Variants in HLA-F observed in about 807,000 individuals in gnomAD.
The protein encoded by HLA-F is major histocompatibility complex, class I, F.
A neutral mutation model predicts 49.5 loss-of-function variants in HLA-F; 46 were observed. The ratio of observed to expected loss-of-function variants is 0.93; its 90% confidence interval spans 0.73 to 1.19. HLA-F has a LOEUF of 1.19. Among genes scored for constraint, HLA-F ranks in the 50% most tolerant of loss-of-function variants. HLA-F has a pLI of 0.00. For synonymous variants in HLA-F, 203 were observed against 233.5 expected, an observed-to-expected ratio of 0.87 and a Z score of 1.19; for missense variants, 496 against 579.6, an observed-to-expected ratio of 0.86 and a Z score of 1.48.
At chr6:29,731,217 T>C (rs1776549517), downstream of HLA-F, among the ~76,000 whole-genome samples, 1 of 133,618 alleles carries the variant, frequency 7.5e-6, no homozygotes, top group Middle Eastern at 3.8e-3. Flanking sequence ...AAAGACCCAA[T>C]AGAGTAGATG....
In HLA-F at chr6:29,724,385, G is replaced by A. The variant is rs1189694469; in HGVS notation, c.547G>A (p.Gly183Ser). The stretch of plus-strand genomic sequence containing the variant: ...AGAGGAGTTCAGGACCTACCTGGAG[G>A]GCGAGTGCCTGGAGTTGCTCCGCAG... ...YAEEFRTYLE[G>S]ECLELLRRYL... is the part of the protein sequence containing the mutation. Residue 183 changes from glycine (G) to serine (S), a missense_variant, in exon 3 of 7, where the codon GGC becomes AGC. Transcript: ENST00000259951. The A allele has an allele frequency of 1.2e-6, 2 of 1,613,240 alleles. No homozygotes were observed. Among genetic ancestry groups the A allele is most frequent in the African/African-American group, 1.3e-5 (1 of 75,056 alleles).
chr6:29,730,482 A>G (rs1201073872), downstream of HLA-F, among the ~76,000 whole-genome samples: 1 of 152,214 alleles, frequency 6.6e-6, no homozygotes, highest in South Asian at 2.1e-4. Flanking sequence ...TGGTTACACA[A>G]CATTGTAAAT....
Position 29,724,235 on chromosome 6 carries a change from G to C in HLA-F, c.397G>C (p.Gly133Arg). Residue 133 changes from glycine (G) to arginine (R), a missense_variant, in exon 3 of 7, where the codon GGG becomes CGG. Physicochemically the swap from Gly to Arg is moderately radical, Grantham distance 125. Coordinates refer to ENST00000259951, the MANE Select transcript of HLA-F (RefSeq NM_001098479.2). Reference sequence around the variant, plus strand: ...GGGGCCCGACGGACGCCTCCTCCGCGGGTATCACCAGCACGCGTACGACGG... The same window carrying C: ...GGGGCCCGACGGACGCCTCCTCCGCCGGTATCACCAGCACGCGTACGACGG... ...DMGPDGRLLR[G>R]YHQHAYDGKD... 4 of 1,613,218 alleles carry C rather than the reference G, an allele frequency of 2.5e-6. No individual in the cohort carries two copies. Among genetic ancestry groups the C allele is most frequent in the African/African-American group, 1.3e-5 (1 of 75,054 alleles).
intron 3 of HLA-F, among the ~76,000 whole-genome samples, chr6:29,737,172 C>A (rs190406637): frequency 1.2e-3 from 145 of 125,722 alleles, no homozygotes; most frequent in Admixed American, 2.9e-3. Context: ...GTATTGAATT[C>A]TTCCTCTTGA....
intron 3 of HLA-F, chr6:29,735,885 A>G (rs1456162669): frequency 6.6e-6 from 1 of 151,892 alleles, no homozygotes; most frequent in Non-Finnish European, 1.5e-5. Flanking sequence ...GAGAATTTCA[A>G]TTGTCTTATC....
In HLA-F at chr6:29,727,030, T is replaced by C. The variant is rs1357059628; in HGVS notation, c.1184T>C (p.Phe395Ser). ...GTGGGTGACATGTGGATCTTGTTTT[T>C]TTTGTGGCTGTGGACATCTTTCAAC... ...RKVGDMWILFFLWLWTSFNTA... is the reference protein window; with the variant it reads ...RKVGDMWILFSLWLWTSFNTA... Residue 395 changes from phenylalanine (F) to serine (S), a missense_variant, in exon 7 of 7, where the codon TTT becomes TCT. Physicochemically the swap from Phe to Ser is radical, Grantham distance 155. Transcript: ENST00000259951. The C allele has an allele frequency of 6.2e-7, 1 of 1,613,400 alleles. No homozygotes were observed. The highest frequency in any genetic ancestry group is 8.5e-7 in the Non-Finnish European group (1 of 1,180,052).
downstream of HLA-F, chr6:29,728,005 G>T: frequency 1.9e-6 from 1 of 518,998 alleles, no homozygotes; most frequent in Non-Finnish European, 3.8e-6. Context: ...TCTCATCCAG[G>T]AGCAATTTTC....
intron 3 of HLA-F, 107 bp from the exon 4 acceptor site, chr6:29,724,915 TTCTGTGCTC>T: frequency 1.7e-6 from 2 of 1,189,182 alleles, no homozygotes; most frequent in Non-Finnish European, 2.4e-6. Flanking sequence ...GGTGTCTGGG[TTCTGTGCTC>T]CCTTCCCCAC....
At chr6:29,733,243 C>T (rs1309550765) in intron 3 of HLA-F, among the ~76,000 whole-genome samples, 2 of 152,086 alleles carry the variant, frequency 1.3e-5, no homozygotes, top group Non-Finnish European at 2.9e-5. Context: ...GAAATCAGCA[C>T]CACGCAAAGG....
chr6:29,727,255 A>C lies in HLA-F; in HGVS notation c.*80A>C. 2.4e-6 allele frequency: 2 copies of C among 841,384 alleles called. No individual in the cohort carries two copies. Among genetic ancestry groups the C allele is most frequent in the South Asian group, 3.7e-5 (2 of 53,706 alleles). 52.1% of individuals were successfully genotyped at this position (841,384 alleles called of 1,614,324 possible). A position where few individuals can be genotyped will look rare whatever the true frequency, so the allele number is the denominator to read the frequency against. The stretch of plus-strand genomic sequence containing the variant: ...CACACACCTCCTAAGAATAAGAACC[A>C]ACATTATCACACCAAAGAAAATAAA... On this transcript the variant is annotated 3_prime_UTR_variant, in exon 7 of 7. Transcript: ENST00000259951.
chr6:29,725,949 G>T (rs114325231), intron 5 of HLA-F, 62 bp from the exon 6 acceptor site: 97,154 of 1,574,070 alleles, frequency 0.062, 3,816 homozygotes, highest in South Asian at 0.13. Context: ...CTAGGGGTTT[G>T]CTCTAGGACC....
chr6:29,726,725 G>T (rs929564159), intron 6 of HLA-F, 158 bp from the exon 7 acceptor site: 13 of 1,228,344 alleles, frequency 1.1e-5, no homozygotes, highest in South Asian at 6.0e-5. Flanking sequence ...GGAGCCAGTC[G>T]AACATATGCC....
Position 29,725,152 on chromosome 6 carries a change from A to G in HLA-F, c.732A>G (p.Glu244=). ...ITLTWQRDGE[E]QTQDTELVET... ...TGACCTGGCAGCGGGATGGGGAGGAACAGACCCAGGACACAGAGCTTGTGG... is the reference window on the plus strand; with the variant it reads ...TGACCTGGCAGCGGGATGGGGAGGAGCAGACCCAGGACACAGAGCTTGTGG... Residue 244 remains glutamate (E), a synonymous_variant, in exon 4 of 7, where the codon GAA becomes GAG. Transcript: ENST00000259951. 3 of 1,613,868 alleles carry G rather than the reference A, an allele frequency of 1.9e-6. No individual in the cohort carries two copies. Among genetic ancestry groups the G allele is most frequent in the East Asian group, 2.2e-5 (1 of 44,860 alleles).
intron 6 of HLA-F, 25 bp downstream of exon 6, chr6:29,726,068 G>A (rs1562293367): frequency 5.0e-6 from 8 of 1,609,038 alleles, no homozygotes; most frequent in Non-Finnish European, 6.0e-6. Flanking sequence ...GCTGATCCCT[G>A]AGATTGTTGG....
chr6:29,723,681 AGCACCGCTGTGTCGCGGCCCGGCC>A lies in HLA-F; in HGVS notation c.91_114del (p.Thr31_Arg38del). 6.2e-7 allele frequency: 1 copy of A among 1,610,676 alleles called. No individual in the cohort carries two copies. Among genetic ancestry groups the A allele is most frequent in the Non-Finnish European group, 8.5e-7 (1 of 1,179,138 alleles). On this transcript the variant is annotated inframe_deletion, in exon 2 of 7. Transcript: ENST00000259951. ...AGGCTCCCACTCCTTGAGGTATTTCAGCACCGCTGTGTCGCGGCCCGGCCGCGGGGAGCCCCGCTACATCGCCGT... is the reference window on the plus strand; with the variant it reads ...AGGCTCCCACTCCTTGAGGTATTTCAGCGGGGAGCCCCGCTACATCGCCGT...
intron 1 of HLA-F, 25 bp from the exon 2 acceptor site, chr6:29,723,633 G>A: frequency 6.2e-7 from 1 of 1,605,114 alleles, no homozygotes; most frequent in Non-Finnish European, 8.5e-7. Context: ...GGGTCTGGCG[G>A]GTCTCAGCCC....
At chr6:29,730,426 GT>G (rs1419336153), downstream of HLA-F, among the ~76,000 whole-genome samples, 1 of 152,170 alleles carries the variant, frequency 6.6e-6, no homozygotes, top group Non-Finnish European at 1.5e-5. Context: ...AATGGGTCCA[GT>G]TTCTGTTGGG....
At chr6:29,738,455 C>T (rs1454352223) in exon 5 of HLA-F, 1 of 152,170 alleles carries the variant, frequency 6.6e-6, no homozygotes, top group African/African-American at 2.4e-5. Flanking sequence ...GTCATCATGT[C>T]CTGGTTTATT....
chr6:29,732,798 A>C (rs1231585869), intron 3 of HLA-F, among the ~76,000 whole-genome samples: 3 of 152,214 alleles, frequency 2.0e-5, no homozygotes, highest in Admixed American at 6.5e-5. Context: ...AACTACTTGT[A>C]AAATAATACA....
Sources: gnomAD v4.1 joint callset for allele counts (sites outside exome capture counted in the v4.1 genomes callset) on GRCh38, gnomAD v4.1.1 for gene constraint, MANE v1.5 for transcripts, NCBI Gene and HGNC (gene_info 2026-07-23, HGNC 2026-07-21) for gene names.